GPR158: variants seen among roughly 807,000 people sequenced by gnomAD.
The protein encoded by GPR158 is G protein-coupled receptor 158, also known as metabotropic glycine receptor.
In GPR158, 30 loss-of-function variants were observed where a neutral mutation model predicts 78.2. That is an observed-to-expected ratio of 0.38 (90% CI 0.29 to 0.52). The LOEUF is 0.52. Among genes scored for constraint, GPR158 ranks in the 20% least tolerant of loss-of-function variants. The pLI is 0.83. For missense variants in GPR158, 1,463 were observed against 1,523.5 expected, an observed-to-expected ratio of 0.96 and a Z score of 0.66; for synonymous variants, 581 against 591.1, an observed-to-expected ratio of 0.98 and a Z score of 0.25.
intron 4 of GPR158, 21 bp from the exon 5 acceptor site, chr10:25,466,630 G>A (rs1835427447): frequency 6.4e-7 from 1 of 1,561,764 alleles, no homozygotes; most frequent in Non-Finnish European, 8.8e-7. Flanking sequence ...TAGTAATGAC[G>A]TTTTTATTTT....
intron 1 of GPR158, among the ~76,000 whole-genome samples, chr10:25,178,389 C>T (rs1030248911): frequency 1.3e-5 from 2 of 152,118 alleles, no homozygotes; most frequent in Non-Finnish European, 2.9e-5. Flanking sequence ...CGCTGTGGAA[C>T]TGAGGATGAA....
chr10:25,559,154 G>A (rs1836827448), intron 6 of GPR158, among the ~76,000 whole-genome samples: 1 of 152,008 alleles, frequency 6.6e-6, no homozygotes, highest in Non-Finnish European at 1.5e-5. Flanking sequence ...ATTTAGAGTT[G>A]TTATGTCCTT....
At chr10:25,517,815 A>T (rs1042698316) in intron 5 of GPR158, among the ~76,000 whole-genome samples, 1 of 150,296 alleles carries the variant, frequency 6.7e-6, no homozygotes, top group Admixed American at 6.6e-5. Flanking sequence ...TTCATCAAGG[A>T]TATTGGTCTA....
intron 4 of GPR158, among the ~76,000 whole-genome samples, chr10:25,450,724 T>G (rs1835204840): frequency 6.6e-6 from 1 of 152,170 alleles, no homozygotes; most frequent in Admixed American, 6.5e-5. Context: ...CTCTCTTCCT[T>G]CCTTCTTCCC....
At chr10:25,572,943 C>G (rs1306515369) in intron 7 of GPR158, 56 bp downstream of exon 7, 1 of 1,017,470 alleles carries the variant, frequency 9.8e-7, no homozygotes, top group Non-Finnish European at 1.6e-6. Flanking sequence ...AGCATTACAA[C>G]TGACTTCTTT....
chr10:25,213,166 G>T (rs1853158797), intron 1 of GPR158, among the ~76,000 whole-genome samples: 1 of 150,956 alleles, frequency 6.6e-6, no homozygotes, highest in African/African-American at 2.4e-5. Context: ...AGTTTTTTTG[G>T]TTTTTACAGA....
intron 5 of GPR158, among the ~76,000 whole-genome samples, chr10:25,508,685 G>A (rs543386395): frequency 6.6e-6 from 1 of 152,150 alleles, no homozygotes; most frequent in African/African-American, 2.4e-5. Context: ...CTGGCATCTG[G>A]CAGGTCACCA....
At chr10:25,449,403 A>G (rs1835184181) in intron 4 of GPR158, among the ~76,000 whole-genome samples, 1 of 152,156 alleles carries the variant, frequency 6.6e-6, no homozygotes, top group Admixed American at 6.5e-5. Context: ...GTGTTTGTTT[A>G]TGGTAGAAGT....
At chr10:25,210,189 G>A (rs1470529553) in intron 1 of GPR158, among the ~76,000 whole-genome samples, 1 of 152,046 alleles carries the variant, frequency 6.6e-6, no homozygotes, top group African/African-American at 2.4e-5. Flanking sequence ...TTCTATTCAC[G>A]TGCTATTTTG....
At chr10:25,538,776 A>C (rs1260687206) in intron 5 of GPR158, among the ~76,000 whole-genome samples, 1 of 152,094 alleles carries the variant, frequency 6.6e-6, no homozygotes, top group South Asian at 2.1e-4. Context: ...GAGCTTTCCC[A>C]TATTTTTTAT....
chr10:25,355,345 G>A (rs546348676), intron 2 of GPR158, among the ~76,000 whole-genome samples: 2 of 151,936 alleles, frequency 1.3e-5, no homozygotes, highest in Non-Finnish European at 2.9e-5. Context: ...AAATGTATTT[G>A]TCAGTTTTAA....
chr10:25,458,867 A>T (rs1835323156), intron 4 of GPR158, among the ~76,000 whole-genome samples: 1 of 152,206 alleles, frequency 6.6e-6, no homozygotes. Flanking sequence ...TTATGAAAAT[A>T]GCTTTTTTAT....
chr10:25,340,827 A>G (rs77283911), intron 2 of GPR158, among the ~76,000 whole-genome samples: 2 of 152,180 alleles, frequency 1.3e-5, no homozygotes, highest in East Asian at 1.9e-4. Context: ...ATGGCTGAGA[A>G]TACTGGTGAG....
intron 4 of GPR158, among the ~76,000 whole-genome samples, chr10:25,457,111 T>G (rs1262648988): frequency 6.9e-6 from 1 of 145,182 alleles, no homozygotes; most frequent in African/African-American, 2.7e-5. Context: ...TAGCTGGGAT[T>G]ACAGGTGCCT....
chr10:25,458,937 G>A, intron 4 of GPR158, among the ~76,000 whole-genome samples: 1 of 152,116 alleles, frequency 6.6e-6, no homozygotes, highest in East Asian at 1.9e-4. Context: ...TTATATAATT[G>A]TGCCTTGACA....
chr10:25,392,604 A>G (rs943763266), intron 2 of GPR158, among the ~76,000 whole-genome samples: 1 of 152,246 alleles, frequency 6.6e-6, no homozygotes, highest in African/African-American at 2.4e-5. Flanking sequence ...GTGCTACTTA[A>G]CAAGCAGCCC....
chr10:25,185,138 CACTG>C (rs1434131370), intron 1 of GPR158, among the ~76,000 whole-genome samples: 1 of 152,178 alleles, frequency 6.6e-6, no homozygotes, highest in Admixed American at 6.5e-5. Flanking sequence ...GGTTGAAAGC[CACTG>C]GTGTAGGGGA....
chr10:25,481,549 T>C (rs1222695137), intron 5 of GPR158, among the ~76,000 whole-genome samples: 3 of 152,172 alleles, frequency 2.0e-5, no homozygotes, highest in African/African-American at 7.2e-5. Flanking sequence ...TGAGGCAACA[T>C]CAAATTATAG....
intron 6 of GPR158, among the ~76,000 whole-genome samples, chr10:25,563,157 A>C (rs892619236): frequency 1.4e-5 from 2 of 141,104 alleles, no homozygotes; most frequent in Admixed American, 6.8e-5. Context: ...ATTTCATTAG[A>C]TCTAAGGTAA....
Sources: gnomAD v4.1 joint callset for allele counts (sites outside exome capture counted in the v4.1 genomes callset) on GRCh38, gnomAD v4.1.1 for gene constraint, MANE v1.5 for transcripts, NCBI Gene and HGNC (gene_info 2026-07-23, HGNC 2026-07-21) for gene names.